DNAI3: variants seen among roughly 807,000 people sequenced by gnomAD.
DNAI3 encodes WD repeat domain 63.
In DNAI3, 83 loss-of-function variants were observed where a neutral mutation model predicts 115.5. The ratio of observed to expected loss-of-function variants is 0.72; its 90% CI spans 0.60 to 0.86. DNAI3 has a LOEUF of 0.86. DNAI3 is among the 40% of genes least tolerant of loss of function. The probability of loss-of-function intolerance (pLI) is 0.00; values close to 1 mark genes in which losing one functional copy is unlikely to be tolerated. For synonymous variants in DNAI3, 320 were observed against 347.0 expected (o/e 0.92, Z 0.86); for missense variants, 1,004 against 1,075.8 (o/e 0.93, Z 0.93).
In DNAI3 at chr1:85,130,132, T is replaced by A. The variant is rs1268860496; in HGVS notation, c.2532+20T>A. On this transcript the variant is annotated intron_variant, in intron 22 of 22. Transcript: ENST00000294664. ...AAAGTTGTAAGTTAAATTTCAGAAA[T>A]GAAAGATGTTTTCCTCGAACACCAG... 4.3e-6 allele frequency: 7 copies of A among 1,612,460 alleles called. No homozygotes were observed. Among genetic ancestry groups the A allele is most frequent in the Non-Finnish European group, 5.9e-6 (7 of 1,179,432 alleles).
In DNAI3 at chr1:85,094,426, A is replaced by G. The variant is rs371083459; in HGVS notation, c.1049-5A>G. 99 of 1,614,094 alleles carry G rather than the reference A, an allele frequency of 6.1e-5. No individual in the cohort carries two copies. In the East Asian group the frequency reaches 6.9e-4, roughly 11 times the overall value. On this transcript the variant is annotated splice_polypyrimidine_tract_variant and splice_region_variant and intron_variant, in intron 9 of 22. Coordinates refer to ENST00000294664, the MANE Select transcript of DNAI3 (RefSeq NM_145172.5). ...AACTTTAATTTCTACATGTGTTTCC[A>G]TCAGGGCTAATAGCTGTGTCGGTAG...
intron 15 of DNAI3, among the ~76,000 whole-genome samples, chr1:85,109,126 T>A (rs1655581981): frequency 6.6e-6 from 1 of 152,200 alleles, no homozygotes; most frequent in East Asian, 1.9e-4. Flanking sequence ...GAGAAGTTGT[T>A]TGTATTTATC....
chr1:85,097,759 AG>A (rs1283748046), intron 12 of DNAI3, 104 bp downstream of exon 12: 1 of 1,011,862 alleles, frequency 9.9e-7, no homozygotes, highest in Middle Eastern at 2.1e-4. Flanking sequence ...AAGAGAAAAA[AG>A]GAAAAAAAAA....
intron 15 of DNAI3, 148 bp downstream of exon 15, chr1:85,108,325 A>AGGAATTT: frequency 2.4e-6 from 2 of 849,638 alleles, no homozygotes; most frequent in Non-Finnish European, 3.3e-6. Context: ...TCAACCAATA[A>AGGAATTT]ATTCCTTGAT....
At chr1:85,064,399 A>C (rs912941392) in intron 1 of DNAI3, among the ~76,000 whole-genome samples, 4 of 152,228 alleles carry the variant, frequency 2.6e-5, no homozygotes. Context: ...ACTAATAGAC[A>C]TTGTAGGAAT....
rs780696978 is a variant in DNAI3, at chr1:85,108,086, C to T, written c.1607C>T (p.Thr536Ile). ...CAGAAACCTTTAACCCCCCAAACAA[C>T]AGAGAAAAAGAAGGAGGAAAGTATT... Reference protein sequence around the residue: ...RPQKPLTPQTTEKKKEESIEI... With the variant: ...RPQKPLTPQTIEKKKEESIEI... Residue 536 changes from threonine to isoleucine, a missense_variant, in exon 15 of 23, where the codon ACA becomes ATA. Around this residue, in one of 3 missense-constraint regions of DNAI3, gnomAD observed 429 missense variants for 454.3 expected, o/e 0.94. Coordinates refer to ENST00000294664, the MANE Select transcript of DNAI3 (RefSeq NM_145172.5). 1.9e-6 allele frequency: 3 copies of T among 1,609,664 alleles called. No homozygotes were observed. Among genetic ancestry groups the T allele is most frequent in the Non-Finnish European group, 1.7e-6 (2 of 1,178,174 alleles).
At chr1:85,121,251 A>G (rs1206246972) in intron 17 of DNAI3, among the ~76,000 whole-genome samples, 2 of 152,224 alleles carry the variant, frequency 1.3e-5, no homozygotes, top group African/African-American at 4.8e-5. Context: ...GAATAAGAAT[A>G]CATATCGCTT....
chr1:85,120,654 G>T (rs745821340), intron 17 of DNAI3, among the ~76,000 whole-genome samples: 2 of 152,116 alleles, frequency 1.3e-5, no homozygotes, highest in African/African-American at 4.8e-5. Flanking sequence ...TCCTAAGAAC[G>T]CTGGCAAGGA....
At chr1:85,111,472 T>C (rs908339375) in intron 16 of DNAI3, among the ~76,000 whole-genome samples, 3 of 152,204 alleles carry the variant, frequency 2.0e-5, no homozygotes, top group Admixed American at 2.0e-4. Context: ...CTTTCATTCA[T>C]TTAACAGATA....
chr1:85,066,342 A>C (rs1471981884), intron 1 of DNAI3, among the ~76,000 whole-genome samples: 1 of 5,804 alleles, frequency 1.7e-4, no homozygotes, highest in Non-Finnish European at 4.4e-4. Context: ...TTTTTTTTTG[A>C]GATGGAGTCT....
intron 6 of DNAI3, among the ~76,000 whole-genome samples, chr1:85,085,590 A>C (rs186388260): frequency 1.6e-4 from 25 of 152,332 alleles, no homozygotes; most frequent in African/African-American, 5.8e-4. Context: ...ACCATTAGTC[A>C]AGATGAAACT....
intron 18 of DNAI3, among the ~76,000 whole-genome samples, chr1:85,123,810 C>T (rs1231783343): frequency 6.6e-6 from 1 of 152,172 alleles, no homozygotes. Context: ...AGCTACAGTA[C>T]CTGCTATTAC....
chr1:85,077,374 A>T (rs557305132), intron 3 of DNAI3, among the ~76,000 whole-genome samples: 4 of 152,174 alleles, frequency 2.6e-5, no homozygotes, highest in African/African-American at 9.7e-5. Flanking sequence ...AACAGGAGAA[A>T]ATCTTTGTGA....
chr1:85,089,765 G>A (rs1279718508), intron 7 of DNAI3, among the ~76,000 whole-genome samples: 1 of 151,960 alleles, frequency 6.6e-6, no homozygotes, highest in Non-Finnish European at 1.5e-5. Flanking sequence ...AATGAAGAGA[G>A]AGAGAAAACA....
intron 9 of DNAI3, chr1:85,094,102 G>A (rs1655059110): frequency 2.4e-6 from 1 of 410,748 alleles, no homozygotes; most frequent in Non-Finnish European, 4.6e-6. Context: ...AGAGGTATTT[G>A]TCCTCTTTCT....
chr1:85,088,626 C>T (rs1446505356), intron 7 of DNAI3, among the ~76,000 whole-genome samples: 4 of 152,152 alleles, frequency 2.6e-5, no homozygotes, highest in Non-Finnish European at 5.9e-5. Context: ...CAAGTGCTCT[C>T]TGAGGTAGGC....
intron 8 of DNAI3, among the ~76,000 whole-genome samples, chr1:85,092,558 A>T (rs1655009530): frequency 6.6e-6 from 1 of 152,172 alleles, no homozygotes; most frequent in South Asian, 2.1e-4. Context: ...TTTCAGATCT[A>T]AGCATAAAAA....
At chr1:85,092,973 T>C (rs1378720659) in intron 8 of DNAI3, among the ~76,000 whole-genome samples, 1 of 152,186 alleles carries the variant, frequency 6.6e-6, no homozygotes, top group Non-Finnish European at 1.5e-5. Context: ...TTTGTGACAG[T>C]TGGGGCTTTC....
chr1:85,096,872 T>C (rs1655140153), intron 11 of DNAI3, among the ~76,000 whole-genome samples: 1 of 152,100 alleles, frequency 6.6e-6, no homozygotes, highest in Non-Finnish European at 1.5e-5. Context: ...TCAAAGCCCA[T>C]CCTCCAAGCC....
Sources: gnomAD v4.1 joint callset for allele counts (sites outside exome capture counted in the v4.1 genomes callset) on GRCh38, gnomAD v4.1.1 for gene constraint, gnomAD v4.1.1 regional missense constraint, MANE v1.5 for transcripts, NCBI Gene and HGNC (gene_info 2026-07-23, HGNC 2026-07-21) for gene names.